Variants in CFAP46 observed in about 807,000 individuals in gnomAD.
CFAP46 encodes cilia- and flagella-associated protein 46.
A neutral mutation model predicts 325.7 loss-of-function variants in CFAP46; 245 were observed. The observed-to-expected ratio is 0.75, with a 90% CI of 0.68 to 0.84. The LOEUF (loss-of-function observed/expected upper bound fraction) is 0.84, where lower values mean the gene tolerates loss of function less well. Among genes scored for constraint, CFAP46 ranks in the 40% least tolerant of loss-of-function variants. The pLI, the probability that CFAP46 is intolerant of heterozygous loss-of-function variation, is 0.00. For synonymous variants in CFAP46, 1,523 were observed against 1,495.9 expected (o/e 1.02, Z -0.42); for missense variants, 3,346 against 3,543.0 (o/e 0.94, Z 1.41).
rs867172520 is a variant in CFAP46 at position 132,899,401 on chromosome 10, C to T, written c.3056+134G>A. The T allele has an allele frequency of 5.8e-5, 75 of 1,289,716 alleles. No homozygotes were observed. In the South Asian group the frequency reaches 7.4e-4, roughly 13 times the overall value. The allele number at this position is 1,289,716 out of a possible 1,614,324, so 79.9% of individuals were successfully genotyped here. On this transcript the variant is annotated intron_variant, in intron 23 of 57. Coordinates refer to ENST00000368586, the MANE Select transcript of CFAP46 (RefSeq NM_001200049.3). Reference sequence around the variant, plus strand: ...CCTGAAGACTGTGCCCTGAACTGGCCGCACCGGCCACCTCCCCTCGCCGGC... The same window carrying T: ...CCTGAAGACTGTGCCCTGAACTGGCTGCACCGGCCACCTCCCCTCGCCGGC...
rs1849643085 is a variant in CFAP46 at position 132,916,599 on chromosome 10, A to G, written c.2070T>C (p.Ala690=). 2 of 1,547,044 alleles carry G rather than the reference A, an allele frequency of 1.3e-6. No homozygotes were observed. Among genetic ancestry groups the G allele is most frequent in the Non-Finnish European group, 1.7e-6 (2 of 1,145,344 alleles). The part of the protein sequence containing the change: ...IPPEDLSQHP[A]GYVPEPPEVN... ...CCTCCGGGGGCTCAGGCACGTAGCC[A>G]GCTGGGTGCTGGCTCAGGTCTTCGG... The change falls in exon 17 of 58, where the codon GCT becomes GCC. Residue 690 remains alanine, a synonymous_variant. Coordinates refer to ENST00000368586, the MANE Select transcript of CFAP46 (RefSeq NM_001200049.3).
intron 44 of CFAP46, among the ~76,000 whole-genome samples, chr10:132,839,005 G>A (rs1255436381): frequency 2.0e-5 from 3 of 152,194 alleles, no homozygotes; most frequent in South Asian, 4.1e-4. Context: ...TTGGCCACAC[G>A]AATCTCTGCT....
intron 50 of CFAP46, among the ~76,000 whole-genome samples, chr10:132,823,135 T>A (rs567030910): frequency 4.8e-4 from 65 of 135,456 alleles, no homozygotes; most frequent in African/African-American, 1.8e-3. Flanking sequence ...TGATGTGTGC[T>A]CTGTGTGCTG....
intron 32 of CFAP46, among the ~76,000 whole-genome samples, chr10:132,870,919 T>A (rs1190615178): frequency 6.6e-6 from 1 of 152,224 alleles, no homozygotes; most frequent in Non-Finnish European, 1.5e-5. Flanking sequence ...TCTAGGACTT[T>A]CAGAGCTAGA....
At position 132,853,306 on chromosome 10, in the gene CFAP46, T is replaced by A. The variant is rs1848589912; in HGVS notation, c.5575-2001A>T. Among the ~76,000 whole-genome samples the A allele has an allele frequency of 2.0e-5, 3 of 152,234 alleles. No homozygotes were observed. The South Asian group carries it at 6.2e-4, about 31-fold the overall frequency. On this transcript the variant is annotated intron_variant, in intron 39 of 57. Coordinates refer to ENST00000368586, the MANE Select transcript of CFAP46 (RefSeq NM_001200049.3). Reference sequence around the variant, plus strand: ...GCTTTTCCTGCATCCACAAAGATGATCATATGGTTTTTGTTAGTTTTGAAA... The same window carrying A: ...GCTTTTCCTGCATCCACAAAGATGAACATATGGTTTTTGTTAGTTTTGAAA...
chr10:132,859,333 G>C, intron 37 of CFAP46, 86 bp from the exon 38 acceptor site: 2 of 1,236,764 alleles, frequency 1.6e-6, no homozygotes, highest in Non-Finnish European at 2.2e-6. Flanking sequence ...GTTCTCCCCG[G>C]TGTTCATCCA....
chr10:132,837,506 C>CAT lies in CFAP46; in HGVS notation c.6439-593_6439-592insAT, dbSNP rs538327975. ...GCACACGTACACAGATGCACACAGACGCACACAGACATGCACAGACACACG... is the reference window on the plus strand; with the variant it reads ...GCACACGTACACAGATGCACACAGACATGCACACAGACATGCACAGACACACG... On this transcript the variant is annotated intron_variant, in intron 44 of 57. Coordinates refer to ENST00000368586, the MANE Select transcript of CFAP46 (RefSeq NM_001200049.3). Among the ~76,000 whole-genome samples the CAT allele has an allele frequency of 3.5e-3, 124 of 35,834 alleles. 2 individuals are homozygous for CAT. The East Asian group carries it at 0.053, about 15-fold the overall frequency. 23.5% of individuals were successfully genotyped at this position (35,834 alleles called of 152,430 possible). A position where few individuals can be genotyped will look rare whatever the true frequency, so the allele number is the denominator to read the frequency against.
At chr10:132,882,410 A>G (rs1849060908) in intron 27 of CFAP46, among the ~76,000 whole-genome samples, 1 of 151,678 alleles carries the variant, frequency 6.6e-6, no homozygotes, top group Non-Finnish European at 1.5e-5. Context: ...GGGTGTGTCC[A>G]TGGGTCTAGG....
chr10:132,924,420 T>C (rs1849775571), intron 11 of CFAP46, among the ~76,000 whole-genome samples: 1 of 152,116 alleles, frequency 6.6e-6, no homozygotes, highest in Admixed American at 6.5e-5. Context: ...CCGGCCTCTG[T>C]GGCCATGACA....
chr10:132,857,933 C>T (rs916747159), intron 38 of CFAP46, 145 bp from the exon 39 acceptor site: 8 of 721,314 alleles, frequency 1.1e-5, no homozygotes, highest in Admixed American at 3.0e-5. Flanking sequence ...ATCCTCGATA[C>T]GTCTTAGAGG....
chr10:132,869,144 C>G lies in CFAP46; in HGVS notation c.4610+130G>C, dbSNP rs1284420505. The stretch of plus-strand genomic sequence containing the variant: ...CCAGGAGAACCGGCCACAGCCGTGT[C>G]CCCCAAGTGCTCACTCTCCCCAGAG... On this transcript the variant is annotated intron_variant, in intron 33 of 57. Coordinates refer to ENST00000368586, the MANE Select transcript of CFAP46 (RefSeq NM_001200049.3). The surrounding 1 kb of genome is among the most constrained non-coding windows in gnomAD (Gnocchi z 6.2). 3 of 655,456 alleles carry G rather than the reference C, an allele frequency of 4.6e-6. No individual in the cohort carries two copies. Among genetic ancestry groups the G allele is most frequent in the African/African-American group, 1.9e-5 (1 of 52,724 alleles). 40.6% of individuals were successfully genotyped at this position (655,456 alleles called of 1,614,324 possible). A position where few individuals can be genotyped will look rare whatever the true frequency, so the allele number is the denominator to read the frequency against.
intron 38 of CFAP46, among the ~76,000 whole-genome samples, chr10:132,858,338 G>A (rs1386671495): frequency 7.7e-6 from 1 of 130,658 alleles, no homozygotes; most frequent in Non-Finnish European, 1.7e-5. Flanking sequence ...GCTGGGGGTG[G>A]CCCCAGGTTG....
intron 44 of CFAP46, among the ~76,000 whole-genome samples, chr10:132,840,466 T>TCATTTTTCTTAG (rs1848330725): frequency 6.6e-6 from 1 of 152,250 alleles, no homozygotes; most frequent in African/African-American, 2.4e-5. Context: ...TTGTCCTCTT[T>TCATTTTTCTTAG]CATTTTTCTT....
In CFAP46 at chr10:132,879,467, A is replaced by G. The variant is rs141570605; in HGVS notation, c.3964T>C (p.Cys1322Arg). Residue 1322 changes from cysteine (C) to arginine (R), a missense_variant, in exon 29 of 58, where the codon TGC becomes CGC. Transcript: ENST00000368586. The stretch of plus-strand genomic sequence containing the variant: ...AAGAAGGCGTAGGCTGCAAGGCAGC[A>G]GTCCTCGTAGCCCTCGGCGCCCGGC... ...LSPGAEGYEDCCLAAYAFFRH... is the reference protein window; with the variant it reads ...LSPGAEGYEDRCLAAYAFFRH... The G allele has an allele frequency of 1.5e-3, 2,294 of 1,544,886 alleles. 26 individuals are homozygous for G. The African/African-American group carries it at 0.026, about 17-fold the overall frequency.
intron 44 of CFAP46, 127 bp from the exon 45 acceptor site, chr10:132,837,041 A>G (rs1848262803): frequency 1.4e-6 from 1 of 706,644 alleles, no homozygotes; most frequent in African/African-American, 1.8e-5. Flanking sequence ...TTCCTGCCCG[A>G]GGCTGGGCCC....
intron 44 of CFAP46, among the ~76,000 whole-genome samples, chr10:132,845,078 C>T (rs1339201351): frequency 6.6e-6 from 1 of 152,222 alleles, no homozygotes; most frequent in Non-Finnish European, 1.5e-5. Flanking sequence ...CAACGCCCAG[C>T]TTAGCCCATT....
chr10:132,929,453 C>T (rs1180278251), intron 9 of CFAP46: 1 of 726,770 alleles, frequency 1.4e-6, no homozygotes, highest in Admixed American at 1.9e-5. Context: ...AAATTGGACT[C>T]TAGAAACAAC....
chr10:132,887,319 TCTC>T lies in CFAP46; in HGVS notation c.3305-1363_3305-1361del, dbSNP rs767006937. 3.7e-5 allele frequency among the ~76,000 whole-genome samples: 4 copies of T among 107,034 alleles called. 1 individual carries two copies. The highest frequency in any genetic ancestry group is 7.3e-5 in the Non-Finnish European group (4 of 55,108). 70.2% of individuals were successfully genotyped at this position (107,034 alleles called of 152,430 possible). A position where few individuals can be genotyped will look rare whatever the true frequency, so the allele number is the denominator to read the frequency against. ...TTCCTCTCCCCTCTTCTCTCCCCTC[TCTC>T]CTCTCTCGCTTCTCTCTCTCCTCTC... On this transcript the variant is annotated intron_variant, in intron 25 of 57. Coordinates refer to ENST00000368586, the MANE Select transcript of CFAP46 (RefSeq NM_001200049.3).
chr10:132,878,933 G>T (rs1464660225), intron 29 of CFAP46, among the ~76,000 whole-genome samples: 1 of 152,222 alleles, frequency 6.6e-6, no homozygotes. Context: ...TTTACAGGGA[G>T]AGGTGGTAGG....
Sources: allele counts gnomAD v4.1 joint callset (sites outside exome capture counted in the v4.1 genomes callset), GRCh38; gene constraint gnomAD v4.1.1; non-coding constraint Gnocchi (gnomAD v3.1); transcripts MANE v1.5; gene names NCBI Gene and HGNC (gene_info 2026-07-23, HGNC 2026-07-21).